The following ZNF343 variants were observed in gnomAD, a reference collection of about 807,000 sequenced individuals.
ZNF343 encodes the protein zinc finger protein 343.
ZNF343 carries 11 observed loss-of-function variants against 13.8 expected under a neutral mutation model. That is an observed-to-expected ratio of 0.80 (90% CI 0.50 to 1.32). The LOEUF (loss-of-function observed/expected upper bound fraction) is 1.32. Ranked by LOEUF, ZNF343 falls within the 40% of genes most tolerant of loss-of-function variation. The probability of loss-of-function intolerance (pLI) is 0.00; values close to 1 mark genes in which losing one functional copy is unlikely to be tolerated. For missense variants in ZNF343, 658 were observed against 714.2 expected (o/e 0.92, Z 0.90); for synonymous variants, 248 against 260.0 (o/e 0.95, Z 0.44).
chr20:2,514,866 A>G (rs1568493134), intron 1 of ZNF343, among the ~76,000 whole-genome samples: 1 of 152,026 alleles, frequency 6.6e-6, no homozygotes, highest in African/African-American at 2.4e-5. Context: ...GCATGCACCC[A>G]TAGTCCCAGC....
At chr20:2,488,915 T>G (rs1206421533) in intron 5 of ZNF343, among the ~76,000 whole-genome samples, 1 of 152,024 alleles carries the variant, frequency 6.6e-6, no homozygotes, top group Non-Finnish European at 1.5e-5. Flanking sequence ...CATGGTGGCA[T>G]GCACCTGTAG....
chr20:2,523,256 C>T (rs776222899), intron 1 of ZNF343, among the ~76,000 whole-genome samples: 4 of 152,132 alleles, frequency 2.6e-5, no homozygotes, highest in Non-Finnish European at 5.9e-5. Context: ...CCCTCGGTTC[C>T]GAGAATTGCC....
At chr20:2,488,706 T>C (rs1388026754) in intron 5 of ZNF343, among the ~76,000 whole-genome samples, 1 of 152,202 alleles carries the variant, frequency 6.6e-6, no homozygotes, top group Non-Finnish European at 1.5e-5. Context: ...GTTAACTTTA[T>C]GAATTACCTT....
intron 3 of ZNF343, 22 bp downstream of exon 3, chr20:2,493,756 C>G (rs777033557): frequency 6.3e-7 from 1 of 1,590,308 alleles, no homozygotes; most frequent in East Asian, 2.2e-5. Context: ...TTCATCCCTC[C>G]GGCTCCCTCA....
At chr20:2,494,705 G>C (rs1359673663) in intron 2 of ZNF343, among the ~76,000 whole-genome samples, 1 of 151,758 alleles carries the variant, frequency 6.6e-6, no homozygotes, top group East Asian at 1.9e-4. Flanking sequence ...GGAAGTCGAG[G>C]CTGCAGTGAG....
intron 5 of ZNF343, among the ~76,000 whole-genome samples, chr20:2,489,583 C>T (rs1473425506): frequency 6.6e-6 from 1 of 152,156 alleles, no homozygotes; most frequent in Non-Finnish European, 1.5e-5. Flanking sequence ...TTGAGAACCC[C>T]ATGATCCAGA....
upstream of ZNF343, among the ~76,000 whole-genome samples, chr20:2,513,085 G>C (rs1192977324): frequency 6.6e-6 from 1 of 152,098 alleles, no homozygotes; most frequent in African/African-American, 2.4e-5. Flanking sequence ...GGATGACAGA[G>C]TGAGACCCTG....
At position 2,483,923 on chromosome 20, in the gene ZNF343, A is replaced by C. The variant is rs1406025709; in HGVS notation, c.1038T>G (p.Thr346=). 1 of 1,613,524 alleles carries C rather than the reference A, an allele frequency of 6.2e-7. No individual in the cohort carries two copies. The highest frequency in any genetic ancestry group is 2.2e-5 in the East Asian group (1 of 44,810). The change falls in exon 6 of 6, where the codon ACT becomes ACG. Residue 346 remains threonine, a synonymous_variant. Coordinates refer to ENST00000278772, the MANE Select transcript of ZNF343 (RefSeq NM_024325.6). The part of the protein sequence containing the change: ...SKSILNRHQW[T]HSEEKPYVCS... ...AAACATAGGGCTTCTCCTCTGAGTGAGTCCACTGATGTCTATTGAGGATGG... is the reference window on the plus strand; with the variant it reads ...AAACATAGGGCTTCTCCTCTGAGTGCGTCCACTGATGTCTATTGAGGATGG...
chr20:2,484,619 G>T lies in ZNF343; in HGVS notation c.342C>A (p.Cys114Ter). 6.2e-7 allele frequency: 1 copy of T among 1,609,354 alleles called. No individual in the cohort carries two copies. Among genetic ancestry groups the T allele is most frequent in the Non-Finnish European group, 8.5e-7 (1 of 1,177,488 alleles). ...ACTGCTGACAGGAGAAGGCCAGAAG[G>T]CAGGAGGAACAAGTGTAGATTTCTG... Reference protein sequence around the residue: ...PKPEIYTCSSCLLAFSCQQFL... With the variant: ...PKPEIYTCSS The change falls in exon 6 of 6, where the codon TGC (cysteine) becomes TGA (stop). Residue 114 changes from cysteine (C) to a stop codon, truncating the protein, a stop_gained. Coordinates refer to ENST00000278772, the MANE Select transcript of ZNF343 (RefSeq NM_024325.6). LOFTEE classifies it low-confidence loss of function (END_TRUNC).
chr20:2,484,096 G>T lies in ZNF343; in HGVS notation c.865C>A (p.Arg289Ser). 1 of 1,614,154 alleles carries T rather than the reference G, an allele frequency of 6.2e-7. No homozygotes were observed. Among genetic ancestry groups the T allele is most frequent in the Non-Finnish European group, 8.5e-7 (1 of 1,180,024 alleles). Reference protein sequence around the residue: ...KDRSTLIRHHRIHSMEKPYVC... With the variant: ...KDRSTLIRHHSIHSMEKPYVC... ...TAAGGCTTCTCCATCGAGTGTATAC[G>T]ATGGTGTCTGATGAGGGTTGATCTA... The change falls in exon 6 of 6, where the codon CGT becomes AGT. Residue 289 changes from arginine to serine, a missense_variant. Coordinates refer to ENST00000278772, the MANE Select transcript of ZNF343 (RefSeq NM_024325.6).
rs1367276984 is a variant in ZNF343 at position 2,508,015 on chromosome 20, C to T, written c.-237+866G>A. 6.6e-6 allele frequency among the ~76,000 whole-genome samples: 1 copy of T among 151,940 alleles called. No individual in the cohort carries two copies. Among genetic ancestry groups the T allele is most frequent in the Non-Finnish European group, 1.5e-5 (1 of 67,988 alleles). On this transcript the variant is annotated intron_variant, in intron 1 of 5. Coordinates refer to ENST00000278772, the MANE Select transcript of ZNF343 (RefSeq NM_024325.6). This position sits in a 1 kb window ranked among gnomAD's most constrained non-coding sequence, Gnocchi z 4.5. ...GGAAAGGAGTCAGCCAGACGGGCCACCCAGATGACGACCAAACCCAGGAAC... is the reference window on the plus strand; with the variant it reads ...GGAAAGGAGTCAGCCAGACGGGCCATCCAGATGACGACCAAACCCAGGAAC...
chr20:2,492,507 AT>A (rs1211462692), intron 5 of ZNF343, among the ~76,000 whole-genome samples, 191 bp downstream of exon 5: 1 of 152,120 alleles, frequency 6.6e-6, no homozygotes, highest in Non-Finnish European at 1.5e-5. Flanking sequence ...CCATATTATA[AT>A]ATCCCTGTAT....
At chr20:2,506,598 C>T (rs1428453377) in intron 1 of ZNF343, among the ~76,000 whole-genome samples, 13 of 152,124 alleles carry the variant, frequency 8.5e-5, no homozygotes, top group Non-Finnish European at 1.6e-4. Context: ...ATGTACACCA[C>T]GGAATACTAT....
At chr20:2,505,773 C>T (rs2085645678) in intron 1 of ZNF343, among the ~76,000 whole-genome samples, 1 of 152,124 alleles carries the variant, frequency 6.6e-6, no homozygotes, top group African/African-American at 2.4e-5. Context: ...CTTCCTTACA[C>T]CTTATACAAA....
Position 2,492,731 on chromosome 20 carries a change from A to T in ZNF343, c.272T>A (p.Met91Lys). ...GAGAAGATTCCTGTAATTCTCCAGC[A>T]TCACTTCTTTGTATAGATTCCTCTG... The part of the protein sequence containing the change: ...PEQRNLYKEV[M>K]LENYRNLLSL... The change falls in exon 5 of 6, where the codon ATG (methionine) becomes AAG (lysine). Residue 91 changes from methionine (M) to lysine (K), a missense_variant. Physicochemically the swap from Met to Lys is moderately conservative, Grantham distance 95. Transcript: ENST00000278772. 6.2e-7 allele frequency: 1 copy of T among 1,611,248 alleles called. No homozygotes were observed. The highest frequency in any genetic ancestry group is 8.5e-7 in the Non-Finnish European group (1 of 1,179,256).
chr20:2,519,672 T>C (rs769308728), intron 1 of ZNF343, among the ~76,000 whole-genome samples: 3 of 152,238 alleles, frequency 2.0e-5, no homozygotes, highest in Non-Finnish European at 4.4e-5. Context: ...GGAAAAATGA[T>C]AGATTCTGAA....
At chr20:2,490,516 G>C (rs1051231461) in intron 5 of ZNF343, among the ~76,000 whole-genome samples, 7 of 150,700 alleles carry the variant, frequency 4.6e-5, no homozygotes, top group Admixed American at 4.6e-4. Context: ...TTTGTTTGCT[G>C]TTTTATGGGT....
chr20:2,514,990 G>A (rs991183840), intron 1 of ZNF343, among the ~76,000 whole-genome samples: 4 of 141,642 alleles, frequency 2.8e-5, no homozygotes, highest in South Asian at 4.8e-4. Flanking sequence ...GTGACAGAGC[G>A]AGACATTGTA....
chr20:2,493,376 A>G, intron 4 of ZNF343, 143 bp downstream of exon 4: 1 of 775,698 alleles, frequency 1.3e-6, no homozygotes, highest in Non-Finnish European at 2.2e-6. Context: ...TGCTTTGACA[A>G]CTTTTTTCAA....
Sources: gnomAD v4.1 joint callset for allele counts (sites outside exome capture counted in the v4.1 genomes callset) on GRCh38, gnomAD v4.1.1 for gene constraint, Gnocchi (gnomAD v3.1) non-coding constraint, MANE v1.5 for transcripts, NCBI Gene and HGNC (gene_info 2026-07-23, HGNC 2026-07-21) for gene names.